Variants in ENTREP2 observed in about 807,000 individuals in gnomAD.
ENTREP2 encodes protein ENTREP2.
chr15:29,572,836 C>A, the ENTREP2 span, among the ~76,000 whole-genome samples: 2 of 148,450 alleles, frequency 1.3e-5, no homozygotes, highest in Admixed American at 6.8e-5. Context: ...CCCAACCCCA[C>A]CCCCACCAAA....
At chr15:29,516,018 G>A in the ENTREP2 span, among the ~76,000 whole-genome samples, 1 of 151,994 alleles carries the variant, frequency 6.6e-6, no homozygotes, top group Non-Finnish European at 1.5e-5. Flanking sequence ...GGTGATCAGT[G>A]GCTCCTACAA....
the ENTREP2 span, among the ~76,000 whole-genome samples, chr15:29,536,042 G>A: frequency 6.6e-6 from 1 of 152,120 alleles, no homozygotes; most frequent in Admixed American, 6.6e-5. Flanking sequence ...TTTGTTAGAG[G>A]ATCCTTTTCC....
the ENTREP2 span, chr15:29,122,407 A>C: frequency 2.0e-5 from 3 of 151,814 alleles, no homozygotes; most frequent in African/African-American, 4.8e-5. Context: ...TGCCCGGGGA[A>C]AGGTCAGCTC....
chr15:29,384,666 C>T, the ENTREP2 span, among the ~76,000 whole-genome samples: 1 of 152,178 alleles, frequency 6.6e-6, no homozygotes, highest in Non-Finnish European at 1.5e-5. Context: ...GTGTGACTCA[C>T]CTACAAGCCA....
At chr15:29,219,740 T>C in the ENTREP2 span, among the ~76,000 whole-genome samples, 1 of 148,266 alleles carries the variant, frequency 6.7e-6, no homozygotes, top group Non-Finnish European at 1.5e-5. Flanking sequence ...TGGAGACTAC[T>C]ATTCTAAGTG....
At chr15:29,631,487 CTACTGTAGTCAAGTTTGTTAGTGT>C in the ENTREP2 span, among the ~76,000 whole-genome samples, 1 of 152,192 alleles carries the variant, frequency 6.6e-6, no homozygotes, top group Admixed American at 6.5e-5. Flanking sequence ...CCCTGTAGTG[CTACTGTAGTCAAGTTTGTTAGTGT>C]GCCACCTGCG....
At chr15:29,655,701 C>A in the ENTREP2 span, among the ~76,000 whole-genome samples, 1 of 152,000 alleles carries the variant, frequency 6.6e-6, no homozygotes, top group Non-Finnish European at 1.5e-5. Context: ...GAGAAAGAAT[C>A]AAATGGAAAT....
At chr15:29,171,152 T>C in the ENTREP2 span, among the ~76,000 whole-genome samples, 1 of 152,312 alleles carries the variant, frequency 6.6e-6, no homozygotes, top group East Asian at 1.9e-4. Flanking sequence ...ATTATTAAAT[T>C]CGACCTCCAA....
chr15:29,138,611 T>A, the ENTREP2 span, among the ~76,000 whole-genome samples: 1 of 151,480 alleles, frequency 6.6e-6, no homozygotes, highest in South Asian at 2.1e-4. Context: ...ATGTGTGTGT[T>A]TGTATGTATG....
chr15:29,307,235 G>A, the ENTREP2 span, among the ~76,000 whole-genome samples: 1 of 151,744 alleles, frequency 6.6e-6, no homozygotes, highest in Non-Finnish European at 1.5e-5. Context: ...GACGAAATAG[G>A]AAAATTTGAA....
the ENTREP2 span, among the ~76,000 whole-genome samples, chr15:29,584,014 C>T: frequency 2.8e-4 from 43 of 151,576 alleles, no homozygotes; most frequent in Non-Finnish European, 5.7e-4. Flanking sequence ...TCACAAGCAA[C>T]CAAAGAAAAA....
chr15:29,159,039 G>A, the ENTREP2 span, among the ~76,000 whole-genome samples: 1 of 152,208 alleles, frequency 6.6e-6, no homozygotes, highest in East Asian at 1.9e-4. Context: ...AGGACATTGA[G>A]CGGGTCGTGG....
chr15:29,128,249 G>A, the ENTREP2 span, among the ~76,000 whole-genome samples: 1 of 152,126 alleles, frequency 6.6e-6, no homozygotes, highest in Non-Finnish European at 1.5e-5. Context: ...CTGCTTTCCT[G>A]GAGCCTTAGA....
the ENTREP2 span, among the ~76,000 whole-genome samples, chr15:29,413,203 TAAAGATAGTCCCTGTTTACATG>T: frequency 6.6e-6 from 1 of 152,162 alleles, no homozygotes; most frequent in Non-Finnish European, 1.5e-5. Context: ...ATCAATTTCT[TAAAGATAGTCCCTGTTTACATG>T]AGAACATCTC....
chr15:29,150,387 G>C, the ENTREP2 span, among the ~76,000 whole-genome samples: 1 of 152,186 alleles, frequency 6.6e-6, no homozygotes. Context: ...TCATTTTAAA[G>C]CATAAAACCA....
the ENTREP2 span, among the ~76,000 whole-genome samples, chr15:29,568,710 CAAAAAAA>C: frequency 9.4e-5 from 12 of 128,240 alleles, 1 homozygote; most frequent in South Asian, 1.0e-3. Flanking sequence ...CCTCTTAAGG[CAAAAAAA>C]AAAAAAAAAA....
At chr15:29,151,825 A>G in the ENTREP2 span, 1 of 1,551,432 alleles carries the variant, frequency 6.4e-7, no homozygotes, top group Non-Finnish European at 8.7e-7. Flanking sequence ...GAGGGCACAC[A>G]CGCTGAAGAG....
the ENTREP2 span, among the ~76,000 whole-genome samples, chr15:29,160,805 C>T: frequency 3.3e-5 from 5 of 150,426 alleles, no homozygotes; most frequent in Non-Finnish European, 7.4e-5. Flanking sequence ...TCCGCTAGTT[C>T]ATTCAGTAGT....
At chr15:29,196,380 T>C in the ENTREP2 span, 3 of 1,539,164 alleles carry the variant, frequency 1.9e-6, no homozygotes, top group Non-Finnish European at 2.6e-6. Flanking sequence ...CTAAACTGTC[T>C]GTAAGGCATG....
Sources: allele counts gnomAD v4.1 joint callset (sites outside exome capture counted in the v4.1 genomes callset), GRCh38; gene constraint gnomAD v4.1.1; transcripts MANE v1.5; gene names NCBI Gene and HGNC (gene_info 2026-07-23, HGNC 2026-07-21).